ATP6V1H: variants seen among roughly 807,000 people sequenced by gnomAD.
ATP6V1H encodes the protein ATPase H+ transporting V1 subunit H.
A neutral mutation model predicts 71.7 loss-of-function variants in ATP6V1H; 39 were observed. The ratio of observed to expected loss-of-function variants is 0.54; its 90% confidence interval spans 0.42 to 0.71. ATP6V1H has a LOEUF of 0.71. Ranked by LOEUF, ATP6V1H falls within the 30% of genes least tolerant of loss-of-function variation. The pLI is 0.00. For missense variants in ATP6V1H, 509 were observed against 594.9 expected (o/e 0.86, Z 1.50); for synonymous variants, 192 against 199.3 (o/e 0.96, Z 0.31).
intron 13 of ATP6V1H, among the ~76,000 whole-genome samples, chr8:53,735,019 A>G (rs914775177): frequency 6.6e-6 from 1 of 152,216 alleles, no homozygotes; most frequent in African/African-American, 2.4e-5. Context: ...GTTATTCTAC[A>G]TCTCACATTT....
chr8:53,771,710 T>C (rs899216912), intron 10 of ATP6V1H, among the ~76,000 whole-genome samples: 15 of 152,138 alleles, frequency 9.9e-5, no homozygotes, highest in African/African-American at 3.6e-4. Context: ...AAGAGAAGAC[T>C]CGAGGAGCTC....
chr8:53,740,428 G>A (rs117295349), intron 13 of ATP6V1H, among the ~76,000 whole-genome samples: 19 of 152,346 alleles, frequency 1.2e-4, no homozygotes, highest in Non-Finnish European at 2.6e-4. Context: ...AAGTGCCGCT[G>A]CTGCTGCCTG....
intron 9 of ATP6V1H, among the ~76,000 whole-genome samples, chr8:53,774,537 T>C (rs1388952464): frequency 6.6e-6 from 1 of 152,218 alleles, no homozygotes; most frequent in African/African-American, 2.4e-5. Flanking sequence ...GTATATTTAC[T>C]GGTTCAATTT....
chr8:53,829,697 T>C (rs1810943269), intron 3 of ATP6V1H, among the ~76,000 whole-genome samples, 164 bp from the exon 4 acceptor site: 1 of 152,220 alleles, frequency 6.6e-6, no homozygotes, highest in Non-Finnish European at 1.5e-5. Context: ...TGATGAAGTA[T>C]GAGAGGACCT....
At chr8:53,817,364 CCT>C (rs1810484441) in intron 5 of ATP6V1H, 51 bp downstream of exon 5, 5 of 1,245,310 alleles carry the variant, frequency 4.0e-6, no homozygotes, top group African/African-American at 3.0e-5. Flanking sequence ...ATAGTGAGAC[CCT>C]CTCTCTTTAA....
intron 13 of ATP6V1H, among the ~76,000 whole-genome samples, chr8:53,726,841 C>T (rs981495474): frequency 2.6e-5 from 4 of 152,182 alleles, no homozygotes; most frequent in Non-Finnish European, 5.9e-5. Context: ...CCAGGGAATA[C>T]TCTGACCATG....
intron 11 of ATP6V1H, among the ~76,000 whole-genome samples, chr8:53,762,719 G>A (rs1171461092): frequency 1.3e-5 from 2 of 152,056 alleles, no homozygotes; most frequent in African/African-American, 4.8e-5. Context: ...AGAAATAAAA[G>A]GCACTCAGAT....
At chr8:53,765,945 A>G (rs1808444797) in intron 11 of ATP6V1H, among the ~76,000 whole-genome samples, 1 of 152,240 alleles carries the variant, frequency 6.6e-6, no homozygotes, top group Non-Finnish European at 1.5e-5. Context: ...ATAGACAAAT[A>G]GATCGCTGAA....
intron 9 of ATP6V1H, among the ~76,000 whole-genome samples, chr8:53,777,177 T>C (rs1286657438): frequency 2.0e-5 from 3 of 152,166 alleles, no homozygotes; most frequent in African/African-American, 7.2e-5. Flanking sequence ...TGGCCAAAAT[T>C]TTCCATCTTT....
rs191858353 is a variant in ATP6V1H at position 53,743,534 on chromosome 8, T to C, written c.1391+43A>G. The C allele has an allele frequency of 3.4e-4, 477 of 1,404,042 alleles. 1 individual carries two copies. In the African/African-American group the frequency reaches 3.9e-3, roughly 12 times the overall value. 87.0% of individuals were successfully genotyped at this position (1,404,042 alleles called of 1,614,324 possible). A position where few individuals can be genotyped will look rare whatever the true frequency, so the allele number is the denominator to read the frequency against. The stretch of plus-strand genomic sequence containing the variant: ...AACTTTTAGAATGGCAAGTGAGAGT[T>C]TGCAGACTAATGTACAAGTGTGAGC... On this transcript the variant is annotated intron_variant, in intron 13 of 13. Coordinates refer to ENST00000359530, the MANE Select transcript of ATP6V1H (RefSeq NM_015941.4).
At chr8:53,821,324 G>C (rs543159235) in intron 4 of ATP6V1H, among the ~76,000 whole-genome samples, 31 of 146,766 alleles carry the variant, frequency 2.1e-4, no homozygotes, top group African/African-American at 7.1e-4. Flanking sequence ...AGTGGGCAGA[G>C]ATCATGCCAC....
intron 9 of ATP6V1H, among the ~76,000 whole-genome samples, chr8:53,794,800 T>C (rs1809677816): frequency 6.6e-6 from 1 of 152,206 alleles, no homozygotes; most frequent in African/African-American, 2.4e-5. Context: ...GCCTCAGTAT[T>C]CCCAACGTAT....
At chr8:53,800,489 G>C (rs981698597) in intron 8 of ATP6V1H, among the ~76,000 whole-genome samples, 11 of 152,156 alleles carry the variant, frequency 7.2e-5, no homozygotes, top group African/African-American at 2.7e-4. Context: ...ATGGTGAAAT[G>C]GGTCAAATAA....
intron 13 of ATP6V1H, among the ~76,000 whole-genome samples, chr8:53,735,593 C>A (rs941459722): frequency 2.0e-5 from 3 of 152,078 alleles, no homozygotes; most frequent in African/African-American, 7.2e-5. Context: ...TTTGTTCAGT[C>A]GGCCACCCCG....
chr8:53,757,634 C>T (rs1195788010), intron 11 of ATP6V1H, among the ~76,000 whole-genome samples: 2 of 152,112 alleles, frequency 1.3e-5, no homozygotes, highest in African/African-American at 4.8e-5. Context: ...TTCTAATACC[C>T]CAGCAACTCA....
chr8:53,737,987 C>A (rs1807284341), intron 13 of ATP6V1H, among the ~76,000 whole-genome samples: 1 of 152,064 alleles, frequency 6.6e-6, no homozygotes, highest in African/African-American at 2.4e-5. Flanking sequence ...GGGTGACATA[C>A]ATAAAGGGAA....
intron 13 of ATP6V1H, among the ~76,000 whole-genome samples, chr8:53,727,555 G>A (rs767138562): frequency 2.6e-5 from 4 of 152,096 alleles, no homozygotes; most frequent in African/African-American, 4.8e-5. Context: ...GAAAGCATGC[G>A]CTCTTCTCCT....
At chr8:53,798,393 G>A (rs1424659890) in intron 8 of ATP6V1H, among the ~76,000 whole-genome samples, 2 of 151,926 alleles carry the variant, frequency 1.3e-5, no homozygotes, top group Non-Finnish European at 2.9e-5. Flanking sequence ...GGGTAGTGAC[G>A]CACACTTGTA....
At chr8:53,727,518 A>T (rs1029825378) in intron 13 of ATP6V1H, among the ~76,000 whole-genome samples, 5 of 152,068 alleles carry the variant, frequency 3.3e-5, no homozygotes, top group Admixed American at 3.3e-4. Flanking sequence ...CCTTTCTTGG[A>T]TCACACAGCT....
Sources: gnomAD v4.1 joint callset for allele counts (sites outside exome capture counted in the v4.1 genomes callset) on GRCh38, gnomAD v4.1.1 for gene constraint, MANE v1.5 for transcripts, NCBI Gene and HGNC (gene_info 2026-07-23, HGNC 2026-07-21) for gene names.